SHISA9: variants seen among roughly 807,000 people sequenced by gnomAD.
SHISA9 encodes shisa family member 9.
A neutral mutation model predicts 38.0 loss-of-function variants in SHISA9; 13 were observed. The ratio of observed to expected loss-of-function variants is 0.34; its 90% CI spans 0.22 to 0.54. The LOEUF is 0.54. Among genes scored for constraint, SHISA9 ranks in the 20% least tolerant of loss-of-function variants. The probability of loss-of-function intolerance (pLI) is 0.91; values close to 1 mark genes in which losing one functional copy is unlikely to be tolerated. For missense variants in SHISA9, 538 were observed against 575.8 expected, an observed-to-expected ratio of 0.93 and a Z score of 0.67; for synonymous variants, 275 against 242.0, an observed-to-expected ratio of 1.14 and a Z score of -1.27.
At chr16:13,028,264 A>T (rs912812224) in intron 2 of SHISA9, among the ~76,000 whole-genome samples, 1 of 152,120 alleles carries the variant, frequency 6.6e-6, no homozygotes, top group African/African-American at 2.4e-5. Context: ...ATTGGGTTCT[A>T]TTTATCTCTA....
At chr16:13,498,263 G>T in the SHISA9 span, among the ~76,000 whole-genome samples, 2 of 152,076 alleles carry the variant, frequency 1.3e-5, no homozygotes, top group Admixed American at 6.5e-5. Context: ...TTAAAAGGCT[G>T]CCTTTAAAAA....
the SHISA9 span, among the ~76,000 whole-genome samples, chr16:13,420,723 A>G: frequency 6.6e-6 from 1 of 152,184 alleles, no homozygotes; most frequent in Non-Finnish European, 1.5e-5. Context: ...ATGGAATTGG[A>G]GGGCTGACTG....
intron 2 of SHISA9, among the ~76,000 whole-genome samples, chr16:12,985,965 G>A (rs573254203): frequency 9.7e-4 from 148 of 152,274 alleles, no homozygotes; most frequent in Non-Finnish European, 9.7e-4. Flanking sequence ...CCAGGCCAGC[G>A]GTGGGGCCGA....
intron 2 of SHISA9, among the ~76,000 whole-genome samples, chr16:13,183,318 C>T (rs2050793341): frequency 6.6e-6 from 1 of 152,272 alleles, no homozygotes; most frequent in Non-Finnish European, 1.5e-5. Context: ...TTAGGTAACA[C>T]ACTTGAAAAG....
rs977482815 is a variant in SHISA9 at position 13,238,029 on chromosome 16, A to C, written c.*2620A>C. ...ATAAATAGAAAGCAAACATAAAAAT[A>C]AGTACAAAGGAAACAAGCAGCGATG... On this transcript the variant is annotated 3_prime_UTR_variant, in exon 5 of 5. Transcript: ENST00000558583. 1.3e-5 allele frequency: 2 copies of C among 152,242 alleles called. No individual in the cohort carries two copies. Among genetic ancestry groups the C allele is most frequent in the African/African-American group, 4.8e-5 (2 of 41,470 alleles). 9.4% of individuals were successfully genotyped at this position (152,242 alleles called of 1,614,324 possible). A position where few individuals can be genotyped will look rare whatever the true frequency, so the allele number is the denominator to read the frequency against.
rs1450801347 is a variant in SHISA9 at position 13,201,428 on chromosome 16, CTATTG to C, written c.692-1959_692-1955del. Among the ~76,000 whole-genome samples, 52 of 135,236 alleles carry C rather than the reference CTATTG, an allele frequency of 3.8e-4. 7 individuals carry two copies. The highest frequency in any genetic ancestry group is 1.3e-3 in the Admixed American group (18 of 13,742). The allele number at this position is 135,236 out of a possible 152,430, so 88.7% of individuals were successfully genotyped here. On this transcript the variant is annotated intron_variant, in intron 2 of 4. Coordinates refer to ENST00000558583, the MANE Select transcript of SHISA9 (RefSeq NM_001145204.3). ...GTATTTTTACTTGTATTATTTTTAA[CTATTG>C]TATTGTTATTTTTAATTTTTTTCTG...
chr16:13,015,836 TTTTC>T (rs1253740122), intron 2 of SHISA9, among the ~76,000 whole-genome samples: 2 of 126,568 alleles, frequency 1.6e-5, no homozygotes, highest in East Asian at 2.0e-4. Context: ...TCTCTCTCTC[TTTTC>T]TTTCTTTCTT....
At chr16:13,295,368 C>T in the SHISA9 span, among the ~76,000 whole-genome samples, 1 of 152,174 alleles carries the variant, frequency 6.6e-6, no homozygotes, top group African/African-American at 2.4e-5. Context: ...TGCTCAGTGG[C>T]TCCAGGCCTC....
the SHISA9 span, among the ~76,000 whole-genome samples, chr16:13,556,405 T>C: frequency 2.0e-5 from 3 of 150,394 alleles, no homozygotes; most frequent in South Asian, 4.1e-4. Context: ...AATTGATTAA[T>C]AAACAATCAG....
chr16:13,447,288 CAG>C, the SHISA9 span, among the ~76,000 whole-genome samples: 1 of 152,144 alleles, frequency 6.6e-6, no homozygotes, highest in Non-Finnish European at 1.5e-5. Flanking sequence ...GCAGGAACAA[CAG>C]GGGGGTTCCT....
At chr16:13,368,738 CA>C in the SHISA9 span, among the ~76,000 whole-genome samples, 96,919 of 141,644 alleles carry the variant, frequency 0.68, 31,960 homozygotes, top group Non-Finnish European at 0.71. Context: ...AAGATATGTG[CA>C]AAAAAAAAAA....
intron 2 of SHISA9, among the ~76,000 whole-genome samples, chr16:13,067,188 G>C (rs2073445357): frequency 6.6e-6 from 1 of 152,176 alleles, no homozygotes; most frequent in African/African-American, 2.4e-5. Flanking sequence ...TATTTTCTTT[G>C]CCCAGTACTG....
rs567944653 is a variant in SHISA9 at position 13,061,520 on chromosome 16, A to G, written c.692-141874A>G. ...TGTCCGGATTAAAGGGAACTTGGGT[A>G]TAAGGCCACTTTGGAGAATGCATTA... On this transcript the variant is annotated intron_variant, in intron 2 of 4. Coordinates refer to ENST00000558583, the MANE Select transcript of SHISA9 (RefSeq NM_001145204.3). Among the ~76,000 whole-genome samples, 18 of 152,324 alleles carry G rather than the reference A, an allele frequency of 1.2e-4. No homozygotes were observed. In the East Asian group the frequency reaches 2.9e-3, roughly 24 times the overall value.
chr16:13,435,484 T>G, the SHISA9 span, among the ~76,000 whole-genome samples: 1 of 152,036 alleles, frequency 6.6e-6, no homozygotes, highest in African/African-American at 2.4e-5. Context: ...CCAGTGGGGG[T>G]TTTTGTTTTT....
intron 2 of SHISA9, among the ~76,000 whole-genome samples, chr16:12,931,434 C>G (rs1567343229): frequency 6.6e-6 from 1 of 152,162 alleles, no homozygotes; most frequent in Non-Finnish European, 1.5e-5. Flanking sequence ...TGTATCCCAT[C>G]TCTCCCTTTC....
chr16:13,398,047 G>A, the SHISA9 span, among the ~76,000 whole-genome samples: 4 of 152,290 alleles, frequency 2.6e-5, no homozygotes, highest in Admixed American at 1.3e-4. Context: ...TCCGACAGTC[G>A]ATGACCTGCT....
rs142970478 is a variant in SHISA9, at chr16:13,102,886, A to G, written c.692-100508A>G. Among the ~76,000 whole-genome samples the G allele has an allele frequency of 3.1e-3, 477 of 152,334 alleles. 1 individual carries two copies. The highest frequency in any genetic ancestry group is 0.011 in the African/African-American group (470 of 41,572). ...TTTAAAAGGATAAATTGCTCACTCA[A>G]CTTCCAGACTTTTCATTCAGAAGGG... On this transcript the variant is annotated intron_variant, in intron 2 of 4. Coordinates refer to ENST00000558583, the MANE Select transcript of SHISA9 (RefSeq NM_001145204.3).
downstream of SHISA9, among the ~76,000 whole-genome samples, chr16:13,244,576 A>G (rs1011836934): frequency 1.3e-5 from 2 of 152,240 alleles, no homozygotes; most frequent in African/African-American, 4.8e-5. Flanking sequence ...TAAAATACAC[A>G]TAGCATACTA....
the SHISA9 span, among the ~76,000 whole-genome samples, chr16:13,398,443 T>C: frequency 6.6e-6 from 1 of 152,122 alleles, no homozygotes; most frequent in Admixed American, 6.5e-5. Flanking sequence ...TATTTACTTA[T>C]TCGTCTTCCA....
Sources: allele counts gnomAD v4.1 joint callset (sites outside exome capture counted in the v4.1 genomes callset), GRCh38; gene constraint gnomAD v4.1.1; transcripts MANE v1.5; gene names NCBI Gene and HGNC (gene_info 2026-07-23, HGNC 2026-07-21).